Variants in ZNF385D observed in about 807,000 individuals in gnomAD.
The protein encoded by ZNF385D is zinc finger protein 385D, also known as zinc finger protein 659.
ZNF385D carries 15 observed loss-of-function variants against 35.8 expected under a neutral mutation model. The ratio of observed to expected loss-of-function variants is 0.42; its 90% CI spans 0.28 to 0.64. The LOEUF (loss-of-function observed/expected upper bound fraction) is 0.64. Ranked by LOEUF, ZNF385D falls within the 30% of genes least tolerant of loss-of-function variation. The pLI is 0.23. For synonymous variants in ZNF385D, 212 were observed against 186.8 expected, an observed-to-expected ratio of 1.13 and a Z score of -1.10; for missense variants, 474 against 494.6, an observed-to-expected ratio of 0.96 and a Z score of 0.39.
At chr3:22,139,202 T>C (rs1260346703) in intron 3 of ZNF385D, among the ~76,000 whole-genome samples, 5 of 152,168 alleles carry the variant, frequency 3.3e-5, no homozygotes, top group Admixed American at 1.3e-4. Flanking sequence ...TGGAAGTCGG[T>C]GTGGCGATTC....
chr3:22,339,702 C>T (rs569909176), intron 2 of ZNF385D, among the ~76,000 whole-genome samples: 1 of 152,156 alleles, frequency 6.6e-6, no homozygotes, highest in South Asian at 2.1e-4. Flanking sequence ...TAATGCTCAC[C>T]TGCTTTATGT....
rs180959148 is a variant in ZNF385D at position 21,995,533 on chromosome 3, C to T, written c.325+173284G>A. 6.6e-4 allele frequency among the ~76,000 whole-genome samples: 101 copies of T among 152,050 alleles called. 1 individual carries two copies. The highest frequency in any genetic ancestry group is 6.8e-3 in the Middle Eastern group (2 of 294). ...TGGCAGTGAGTGAGGTGGATCAATC[C>T]CCAGGTCGCTGGATGATGTGCATGA... On this transcript the variant is annotated intron_variant, in intron 3 of 5. Coordinates refer to the ZNF385D transcript ENST00000494108.
intron 4 of ZNF385D, among the ~76,000 whole-genome samples, chr3:21,505,332 G>A (rs1455870242): frequency 6.6e-6 from 1 of 152,002 alleles, no homozygotes; most frequent in Non-Finnish European, 1.5e-5. Context: ...ATACTTGAAG[G>A]AAGCCATGAT....
At chr3:21,759,023 G>T (rs1189836486) in intron 3 of ZNF385D, among the ~76,000 whole-genome samples, 1 of 120,846 alleles carries the variant, frequency 8.3e-6, no homozygotes, top group Non-Finnish European at 1.6e-5. Context: ...TGATGCTATT[G>T]TAACAAGTCC....
intron 4 of ZNF385D, among the ~76,000 whole-genome samples, chr3:21,490,348 G>A (rs1339574764): frequency 6.6e-6 from 1 of 151,898 alleles, no homozygotes; most frequent in African/African-American, 2.4e-5. Flanking sequence ...TGCTCTTGCT[G>A]TTATTCCAAT....
intron 1 of ZNF385D, among the ~76,000 whole-genome samples, chr3:21,714,211 T>TA (rs61553749): frequency 0.51 from 78,160 of 151,906 alleles, 20,835 homozygotes; most frequent in African/African-American, 0.66. Context: ...AAGTGGGCCT[T>TA]CCGGCAGACC....
chr3:22,132,145 T>C (rs977990268), intron 3 of ZNF385D, among the ~76,000 whole-genome samples: 9 of 152,140 alleles, frequency 5.9e-5, no homozygotes, highest in Non-Finnish European at 1.2e-4. Context: ...TATTCATTTG[T>C]TGAAATCTTA....
intron 2 of ZNF385D, among the ~76,000 whole-genome samples, chr3:21,608,176 AT>A (rs1157882972): frequency 2.6e-5 from 4 of 151,676 alleles, no homozygotes; most frequent in Non-Finnish European, 5.9e-5. Flanking sequence ...CACTTGGCTA[AT>A]TTTTTGTGGT....
At chr3:22,222,851 T>C (rs1036161565) in intron 2 of ZNF385D, among the ~76,000 whole-genome samples, 2 of 152,110 alleles carry the variant, frequency 1.3e-5, no homozygotes, top group Admixed American at 6.5e-5. Context: ...GAACCACGAG[T>C]CTTTTTTAAA....
chr3:22,059,548 T>C (rs1406163630), intron 3 of ZNF385D, among the ~76,000 whole-genome samples: 3 of 151,982 alleles, frequency 2.0e-5, no homozygotes, highest in Admixed American at 6.6e-5. Context: ...TGTGATAGGG[T>C]TGGTGGTGGT....
At chr3:21,514,859 G>A (rs146627321) in intron 3 of ZNF385D, among the ~76,000 whole-genome samples, 26 of 152,064 alleles carry the variant, frequency 1.7e-4, no homozygotes, top group African/African-American at 5.8e-4. Context: ...TAAATAATAA[G>A]TGGAATATTA....
At position 21,550,675 on chromosome 3, in the gene ZNF385D, G is replaced by T. The variant is rs182694183; in HGVS notation, c.276+13899C>A. The stretch of plus-strand genomic sequence containing the variant: ...TTTTTGCATTTTTAACAGAGACAGA[G>T]TTTCACCATGTTGGTCAGGCTGGTC... On this transcript the variant is annotated intron_variant, in intron 3 of 7. Coordinates refer to ENST00000281523, the MANE Select transcript of ZNF385D (RefSeq NM_024697.3). 3.3e-5 allele frequency among the ~76,000 whole-genome samples: 5 copies of T among 152,270 alleles called. No homozygotes were observed. The East Asian group carries it at 9.7e-4, about 29-fold the overall frequency.
At chr3:22,084,707 G>C (rs568087627) in intron 3 of ZNF385D, among the ~76,000 whole-genome samples, 1 of 152,036 alleles carries the variant, frequency 6.6e-6, no homozygotes, top group African/African-American at 2.4e-5. Context: ...ACTTGAACTC[G>C]GCTCTGCACC....
intron 3 of ZNF385D, among the ~76,000 whole-genome samples, chr3:21,970,023 A>T (rs1041233772): frequency 3.9e-5 from 6 of 152,216 alleles, no homozygotes; most frequent in Non-Finnish European, 8.8e-5. Context: ...CCTAAGGCAG[A>T]TATAGCTGCG....
intron 2 of ZNF385D, among the ~76,000 whole-genome samples, chr3:22,275,756 T>G (rs746372101): frequency 1.3e-5 from 2 of 152,130 alleles, no homozygotes; most frequent in Non-Finnish European, 2.9e-5. Context: ...AGTGAGCAAC[T>G]TCCAATAAAT....
intron 1 of ZNF385D, among the ~76,000 whole-genome samples, chr3:21,689,007 A>G (rs1385536851): frequency 2.0e-5 from 3 of 152,160 alleles, no homozygotes; most frequent in Non-Finnish European, 4.4e-5. Context: ...GTGACAAAGT[A>G]AGATTACCTG....
chr3:21,618,223 T>C (rs35089277), intron 2 of ZNF385D, among the ~76,000 whole-genome samples: 75,856 of 151,972 alleles, frequency 0.5, 19,197 homozygotes, highest in East Asian at 0.67. Context: ...TAAATCCCAT[T>C]GTAAATATAC....
intron 4 of ZNF385D, among the ~76,000 whole-genome samples, chr3:21,495,913 T>C (rs1705803502): frequency 1.3e-5 from 2 of 152,102 alleles, no homozygotes; most frequent in Non-Finnish European, 2.9e-5. Context: ...GAGACTACTA[T>C]GAATACGTTT....
intron 2 of ZNF385D, among the ~76,000 whole-genome samples, chr3:21,575,764 G>A (rs1362939746): frequency 6.6e-6 from 1 of 152,134 alleles, no homozygotes; most frequent in South Asian, 2.1e-4. Flanking sequence ...TCCCAAAACA[G>A]TAAAGTCAAG....
Sources: gnomAD v4.1 joint callset for allele counts (sites outside exome capture counted in the v4.1 genomes callset) on GRCh38, gnomAD v4.1.1 for gene constraint, MANE v1.5 for transcripts, NCBI Gene and HGNC (gene_info 2026-07-23, HGNC 2026-07-21) for gene names.